ARHGAP24: variants seen among roughly 807,000 people sequenced by gnomAD.
The protein encoded by ARHGAP24 is rho GTPase-activating protein 24.
In ARHGAP24, 50 loss-of-function variants were observed where a neutral mutation model predicts 76.4. That is an observed-to-expected ratio of 0.65 (90% CI 0.52 to 0.83). The LOEUF (loss-of-function observed/expected upper bound fraction) is 0.83, where lower values mean the gene tolerates loss of function less well. ARHGAP24 is among the 40% of genes least tolerant of loss of function. The pLI is 0.00. For missense variants in ARHGAP24, 930 were observed against 914.2 expected, an observed-to-expected ratio of 1.02 and a Z score of -0.22; for synonymous variants, 345 against 323.3, an observed-to-expected ratio of 1.07 and a Z score of -0.72.
intron 1 of ARHGAP24, among the ~76,000 whole-genome samples, chr4:85,518,355 T>A (rs13139830): frequency 0.53 from 80,607 of 151,772 alleles, 23,627 homozygotes; most frequent in Non-Finnish European, 0.67. Context: ...TTTCTTTTTT[T>A]AAAAAAATTT....
At chr4:85,655,486 A>T (rs1230587171) in intron 2 of ARHGAP24, among the ~76,000 whole-genome samples, 1 of 146,906 alleles carries the variant, frequency 6.8e-6, no homozygotes, top group African/African-American at 2.5e-5. Context: ...TCAAAGCTTT[A>T]AAATGAAAGT....
chr4:85,689,532 G>A (rs779886041), intron 2 of ARHGAP24, among the ~76,000 whole-genome samples: 7 of 152,058 alleles, frequency 4.6e-5, no homozygotes, highest in African/African-American at 7.2e-5. Flanking sequence ...GAATATAGGC[G>A]CACACCACCA....
At chr4:85,643,238 T>G (rs1445674794) in intron 2 of ARHGAP24, among the ~76,000 whole-genome samples, 274 of 2,880 alleles carry the variant, frequency 0.095, 20 homozygotes, top group African/African-American at 0.28. Context: ...TTTTGTGTTT[T>G]TTTTTTTTTT....
In ARHGAP24 at chr4:85,724,499, A is replaced by G. The variant is rs1001353985; in HGVS notation, c.268+2527A>G. Among the ~76,000 whole-genome samples, 26 of 7,092 alleles carry G rather than the reference A, an allele frequency of 3.7e-3. 1 individual carries two copies. The highest frequency in any genetic ancestry group is 6.5e-3 in the African/African-American group (26 of 3,996). 4.7% of individuals were successfully genotyped at this position (7,092 alleles called of 152,430 possible). A position where few individuals can be genotyped will look rare whatever the true frequency, so the allele number is the denominator to read the frequency against. ...ATAATTTTTCCATGTGTGTATATAT[A>G]TATATATATATATATATATATATAT... is the stretch of plus-strand genomic sequence containing the variant. On this transcript the variant is annotated intron_variant, in intron 3 of 9. Transcript: ENST00000395184.
At chr4:85,558,823 G>T (rs1025737345) in intron 1 of ARHGAP24, among the ~76,000 whole-genome samples, 1 of 152,204 alleles carries the variant, frequency 6.6e-6, no homozygotes, top group Non-Finnish European at 1.5e-5. Flanking sequence ...AGAGTTCATT[G>T]TAGACAAATG....
intron 3 of ARHGAP24, among the ~76,000 whole-genome samples, chr4:85,880,031 A>T (rs1321328116): frequency 2.0e-5 from 3 of 152,200 alleles, no homozygotes; most frequent in African/African-American, 7.2e-5. Flanking sequence ...CAGGCCATGG[A>T]TCAGTACCAG....
intron 3 of ARHGAP24, among the ~76,000 whole-genome samples, chr4:85,755,649 T>TTTTTTG (rs1553927708): frequency 7.0e-6 from 1 of 143,102 alleles, no homozygotes; most frequent in African/African-American, 2.5e-5. Context: ...TTGTTTTGTT[T>TTTTTTG]TGAGACGGAG....
At position 85,894,980 on chromosome 4, in the gene ARHGAP24, AAAAAAAAACAAAACAAAAAGC is replaced by A. The variant is rs1560701625; in HGVS notation, c.269-28659_269-28639del. The stretch of plus-strand genomic sequence containing the variant: ...CCTCTCAAAAAAAAAAAAAAAAAAA[AAAAAAAAACAAAACAAAAAGC>A]AAAAAAAAAAAAAAAAAAAAGAAAA... On this transcript the variant is annotated intron_variant, in intron 3 of 9. Coordinates refer to ENST00000395184, the MANE Select transcript of ARHGAP24 (RefSeq NM_001025616.3). 2.2e-3 allele frequency among the ~76,000 whole-genome samples: 49 copies of A among 22,552 alleles called. 2 individuals carry two copies. Among genetic ancestry groups the A allele is most frequent in the Non-Finnish European group, 3.9e-3 (40 of 10,372 alleles). 14.8% of individuals were successfully genotyped at this position (22,552 alleles called of 152,430 possible). A position where few individuals can be genotyped will look rare whatever the true frequency, so the allele number is the denominator to read the frequency against.
intron 2 of ARHGAP24, among the ~76,000 whole-genome samples, chr4:85,701,905 A>G (rs1724103272): frequency 6.6e-6 from 1 of 152,196 alleles, no homozygotes; most frequent in South Asian, 2.1e-4. Context: ...TATCCAAACC[A>G]TCTGCAATGT....
intron 8 of ARHGAP24, among the ~76,000 whole-genome samples, chr4:85,986,021 G>C (rs1449244305): frequency 6.6e-6 from 1 of 152,164 alleles, no homozygotes; most frequent in African/African-American, 2.4e-5. Flanking sequence ...ATGTTTAAGT[G>C]AATGAAACTC....
chr4:85,618,904 T>C (rs1004901841), intron 2 of ARHGAP24, among the ~76,000 whole-genome samples: 1 of 152,108 alleles, frequency 6.6e-6, no homozygotes, highest in Non-Finnish European at 1.5e-5. Flanking sequence ...TTAGCAAATA[T>C]TTTCTGCCAT....
At chr4:85,672,986 T>G (rs1482077404) in intron 2 of ARHGAP24, among the ~76,000 whole-genome samples, 1 of 152,210 alleles carries the variant, frequency 6.6e-6, no homozygotes, top group Non-Finnish European at 1.5e-5. Context: ...CTTGTAGGTA[T>G]TCAACTTAGT....
intron 3 of ARHGAP24, among the ~76,000 whole-genome samples, chr4:85,891,415 A>C (rs1733884356): frequency 8.5e-6 from 1 of 117,398 alleles, no homozygotes; most frequent in African/African-American, 3.4e-5. Flanking sequence ...GAGCGGTGAG[A>C]GAGGGCATCC....
At chr4:85,719,768 CGAGG>C (rs1290670536) in intron 2 of ARHGAP24, among the ~76,000 whole-genome samples, 2 of 151,954 alleles carry the variant, frequency 1.3e-5, no homozygotes, top group African/African-American at 4.8e-5. Flanking sequence ...TACAGTTTAA[CGAGG>C]GAGATGGACT....
chr4:85,501,322 C>T (rs919553388), intron 1 of ARHGAP24, among the ~76,000 whole-genome samples: 4 of 152,214 alleles, frequency 2.6e-5, no homozygotes, highest in Non-Finnish European at 5.9e-5. Flanking sequence ...AATGGTTGAA[C>T]TAGTTTACAG....
intron 5 of ARHGAP24, among the ~76,000 whole-genome samples, chr4:85,969,440 A>T (rs894679217): frequency 2.8e-4 from 43 of 151,622 alleles, no homozygotes; most frequent in Non-Finnish European, 1.3e-4. Flanking sequence ...ATTATACATA[A>T]CATACTCTGT....
intron 2 of ARHGAP24, among the ~76,000 whole-genome samples, chr4:85,635,771 T>G (rs1474521009): frequency 1.3e-5 from 2 of 151,946 alleles, no homozygotes; most frequent in Non-Finnish European, 1.5e-5. Context: ...CTATTTTGTT[T>G]CTTTTCATAG....
chr4:85,485,839 T>C (rs1239466469), intron 1 of ARHGAP24, among the ~76,000 whole-genome samples: 1 of 151,832 alleles, frequency 6.6e-6, no homozygotes, highest in African/African-American at 2.4e-5. Flanking sequence ...TTGAAATGAT[T>C]CTCTTGCCTC....
chr4:85,723,819 G>A (rs1039837874), intron 3 of ARHGAP24: 1 of 152,176 alleles, frequency 6.6e-6, no homozygotes, highest in Admixed American at 6.5e-5. Context: ...TTACTGGTGT[G>A]CCCTTGACAT....
Sources: allele counts gnomAD v4.1 joint callset (sites outside exome capture counted in the v4.1 genomes callset), GRCh38; gene constraint gnomAD v4.1.1; transcripts MANE v1.5; gene names NCBI Gene and HGNC (gene_info 2026-07-23, HGNC 2026-07-21).